The following AUTS2 variants were observed in gnomAD, a reference collection of about 807,000 sequenced individuals.
AUTS2 encodes activator of transcription and developmental regulator AUTS2.
Under a neutral mutation model 112.4 loss-of-function variants are expected in AUTS2, and 17 were observed. That is an observed-to-expected ratio of 0.15 (90% confidence interval 0.10 to 0.23). AUTS2 has a LOEUF of 0.23. Among genes scored for constraint, AUTS2 ranks in the 10% least tolerant of loss-of-function variants. The pLI, the probability that AUTS2 is intolerant of heterozygous loss-of-function variation, is 1.00. For synonymous variants in AUTS2, 751 were observed against 702.7 expected, an observed-to-expected ratio of 1.07 and a Z score of -1.09; for missense variants, 1,510 against 1,701.6, an observed-to-expected ratio of 0.89 and a Z score of 1.98.
At chr7:70,195,288 C>G (rs1298118279) in intron 4 of AUTS2, among the ~76,000 whole-genome samples, 1 of 152,122 alleles carries the variant, frequency 6.6e-6, no homozygotes, top group East Asian at 1.9e-4. Context: ...ACACCTACCC[C>G]TGGAAATCAT....
At chr7:70,028,863 G>A (rs769843660) in intron 2 of AUTS2, among the ~76,000 whole-genome samples, 17 of 152,068 alleles carry the variant, frequency 1.1e-4, no homozygotes, top group South Asian at 4.2e-4. Context: ...TATTGCCTGC[G>A]AATTGAGAAT....
chr7:70,786,782 G>T lies in AUTS2; in HGVS notation c.2309-427G>T, dbSNP rs941416821. ...GAGGGCAAGGTCCTGTCTGGTCTCT[G>T]GTGACACTTGAGAGGGCCACGGTGG... On this transcript the variant is annotated intron_variant, in intron 17 of 18. Transcript: ENST00000342771. 1.3e-5 allele frequency: 4 copies of T among 302,068 alleles called. No homozygotes were observed. The Admixed American group carries it at 1.5e-4, about 11-fold the overall frequency. 18.7% of individuals were successfully genotyped at this position (302,068 alleles called of 1,614,324 possible).
At position 70,423,963 on chromosome 7, in the gene AUTS2, T is replaced by C. The variant is rs142086662; in HGVS notation, c.661-11789T>C. 9.6e-3 allele frequency among the ~76,000 whole-genome samples: 1,464 copies of C among 152,324 alleles called. 6 individuals carry two copies. The highest frequency in any genetic ancestry group is 0.014 in the Non-Finnish European group (975 of 68,034). On this transcript the variant is annotated intron_variant, in intron 4 of 18. Transcript: ENST00000342771. ...AGTTACCCTGTTGTTGTGTGTGATA[T>C]AACATATCTTTCATGGAAATAACTG...
chr7:70,139,260 C>T (rs571769903), intron 4 of AUTS2, among the ~76,000 whole-genome samples: 1 of 152,326 alleles, frequency 6.6e-6, no homozygotes, highest in East Asian at 1.9e-4. Flanking sequence ...AGCCACCATG[C>T]CTGGCTGTAT....
intron 1 of AUTS2, among the ~76,000 whole-genome samples, chr7:69,759,004 G>A (rs917725): frequency 0.1 from 15,168 of 152,142 alleles, 1,211 homozygotes; most frequent in African/African-American, 0.22. Context: ...TAATAATTAT[G>A]ATGGCAGGAA....
chr7:69,791,481 T>C (rs1245766561), intron 1 of AUTS2, among the ~76,000 whole-genome samples: 1 of 152,208 alleles, frequency 6.6e-6, no homozygotes, highest in Non-Finnish European at 1.5e-5. Flanking sequence ...ATTTGGCCTC[T>C]TTGTGGAGTG....
At chr7:70,621,613 C>T (rs1490624356) in intron 5 of AUTS2, among the ~76,000 whole-genome samples, 3 of 152,054 alleles carry the variant, frequency 2.0e-5, no homozygotes, top group Non-Finnish European at 2.9e-5. Context: ...GGTAAGGAAC[C>T]ACTCCTCATG....
At chr7:70,593,493 A>G (rs1450570648) in intron 5 of AUTS2, among the ~76,000 whole-genome samples, 1 of 152,132 alleles carries the variant, frequency 6.6e-6, no homozygotes, top group Non-Finnish European at 1.5e-5. Context: ...TACACCTTGG[A>G]GAACAGGCAC....
chr7:70,618,776 GAAAA>G (rs1160291037), intron 5 of AUTS2, among the ~76,000 whole-genome samples: 1 of 151,434 alleles, frequency 6.6e-6, no homozygotes, highest in African/African-American at 2.4e-5. Flanking sequence ...GAGAGCAAGA[GAAAA>G]AAAAGAGAAA....
chr7:69,937,084 G>T (rs1193807222), intron 2 of AUTS2, among the ~76,000 whole-genome samples: 1 of 152,104 alleles, frequency 6.6e-6, no homozygotes, highest in African/African-American at 2.4e-5. Flanking sequence ...TGTGTGATGT[G>T]GAGTGGCCAG....
chr7:69,712,816 T>C (rs1480132017), intron 1 of AUTS2, among the ~76,000 whole-genome samples: 1 of 152,218 alleles, frequency 6.6e-6, no homozygotes, highest in African/African-American at 2.4e-5. Context: ...CAAGTGTTAG[T>C]ACCATTTTAC....
At chr7:69,682,439 A>T (rs1193313001) in intron 1 of AUTS2, among the ~76,000 whole-genome samples, 1 of 152,116 alleles carries the variant, frequency 6.6e-6, no homozygotes, top group African/African-American at 2.4e-5. Context: ...CCCATTTATA[A>T]ACAGCCTTCC....
intron 5 of AUTS2, among the ~76,000 whole-genome samples, chr7:70,646,742 TAG>T (rs1481402672): frequency 6.6e-6 from 1 of 152,238 alleles, no homozygotes; most frequent in African/African-American, 2.4e-5. Flanking sequence ...CCAGGAGATC[TAG>T]GCCATGCAAG....
chr7:70,711,380 A>C (rs1287137196), intron 6 of AUTS2, among the ~76,000 whole-genome samples: 1 of 152,192 alleles, frequency 6.6e-6, no homozygotes, highest in African/African-American at 2.4e-5. Flanking sequence ...GGGGCTGCAC[A>C]TCATCCTAGC....
At chr7:70,554,385 TTTTCTTTC>T in intron 5 of AUTS2, among the ~76,000 whole-genome samples, 2 of 145,934 alleles carry the variant, frequency 1.4e-5, no homozygotes, top group Non-Finnish European at 1.5e-5. Context: ...TTTTCTTTTC[TTTTCTTTC>T]TTTTTTTTTT....
chr7:69,649,106 T>G (rs962493726), intron 1 of AUTS2, among the ~76,000 whole-genome samples: 4 of 152,182 alleles, frequency 2.6e-5, no homozygotes, highest in African/African-American at 4.8e-5. Context: ...TGTGGATTAA[T>G]GTCTCTTCTT....
At chr7:70,560,543 A>C (rs1256004712) in intron 5 of AUTS2, among the ~76,000 whole-genome samples, 1 of 152,266 alleles carries the variant, frequency 6.6e-6, no homozygotes, top group Non-Finnish European at 1.5e-5. Context: ...ACTTTCTATC[A>C]AAAGCATTTT....
intron 1 of AUTS2, among the ~76,000 whole-genome samples, chr7:69,776,849 A>T (rs376876851): frequency 1.3e-5 from 2 of 152,354 alleles, no homozygotes; most frequent in East Asian, 1.9e-4. Flanking sequence ...TCTTTAAAAA[A>T]AATATAAGCT....
chr7:70,151,095 A>T (rs897295951), intron 4 of AUTS2, among the ~76,000 whole-genome samples: 14 of 152,176 alleles, frequency 9.2e-5, no homozygotes, highest in African/African-American at 3.4e-4. Flanking sequence ...GACTTTCTGC[A>T]TTAGGAGAAG....
Sources: allele counts gnomAD v4.1 joint callset (sites outside exome capture counted in the v4.1 genomes callset), GRCh38; gene constraint gnomAD v4.1.1; transcripts MANE v1.5; gene names NCBI Gene and HGNC (gene_info 2026-07-23, HGNC 2026-07-21).